HIPK1: variants seen among roughly 807,000 people sequenced by gnomAD.
HIPK1 encodes the protein homeodomain interacting protein kinase 1.
A neutral mutation model predicts 117.1 loss-of-function variants in HIPK1; 28 were observed. That is an observed-to-expected ratio of 0.24 (90% CI 0.18 to 0.33). The LOEUF (loss-of-function observed/expected upper bound fraction) is 0.33, where lower values mean the gene tolerates loss of function less well. HIPK1 is among the 10% of genes least tolerant of loss of function. HIPK1 has a pLI of 1.00. For synonymous variants in HIPK1, 605 were observed against 562.5 expected (o/e 1.08, Z -1.07); for missense variants, 1,122 against 1,475.1 (o/e 0.76, Z 3.92).
At position 113,975,669 on chromosome 1, in the gene HIPK1, A is replaced by T. The variant is rs1020242074; in HGVS notation, c.*2157A>T. The T allele has an allele frequency of 6.5e-6, 1 of 152,736 alleles. No individual in the cohort carries two copies. The highest frequency in any genetic ancestry group is 2.4e-5 in the African/African-American group (1 of 41,442). 9.5% of individuals were successfully genotyped at this position (152,736 alleles called of 1,614,324 possible). On this transcript the variant is annotated 3_prime_UTR_variant, in exon 16 of 16. Coordinates refer to ENST00000426820, the MANE Select transcript of HIPK1 (RefSeq NM_198268.3). ...ACCATGTCCCCATACTATGAGGAGA[A>T]GTTTTGTGGTGCCGCTGGTGACAAG...
intron 2 of HIPK1, 82 bp from the exon 3 acceptor site, chr1:113,952,684 C>T: frequency 1.9e-6 from 2 of 1,072,622 alleles, no homozygotes; most frequent in South Asian, 3.0e-5. Flanking sequence ...TTAGCTAATA[C>T]TAAAACAGGA....
Position 113,977,583 on chromosome 1 carries a change from A to T in HIPK1, c.*4071A>T, listed in dbSNP as rs965504005. 1.3e-5 allele frequency: 2 copies of T among 152,762 alleles called. No homozygotes were observed. Among genetic ancestry groups the T allele is most frequent in the Admixed American group, 6.5e-5 (1 of 15,290 alleles). The allele number at this position is 152,762 out of a possible 1,614,324, so 9.5% of individuals were successfully genotyped here. A position where few individuals can be genotyped will look rare whatever the true frequency, so the allele number is the denominator to read the frequency against. The stretch of plus-strand genomic sequence containing the variant: ...CTATGTTTGTAATGCAGATGTACTT[A>T]GGGAGTATGTAAAATAATCATTTTA... On this transcript the variant is annotated 3_prime_UTR_variant, in exon 16 of 16. Coordinates refer to ENST00000426820, the MANE Select transcript of HIPK1 (RefSeq NM_198268.3).
At chr1:113,971,779 C>A in intron 14 of HIPK1, 45 bp from the exon 15 acceptor site, 2 of 1,567,732 alleles carry the variant, frequency 1.3e-6, no homozygotes, top group Non-Finnish European at 1.7e-6. Flanking sequence ...CTGAGGTTAG[C>A]TCAGTGATGT....
intron 7 of HIPK1, 60 bp from the exon 8 acceptor site, chr1:113,958,006 T>C: frequency 8.2e-7 from 1 of 1,216,888 alleles, no homozygotes; most frequent in South Asian, 1.2e-5. Flanking sequence ...TCTGTATATA[T>C]AAAATTATTG....
intron 7 of HIPK1, among the ~76,000 whole-genome samples, chr1:113,957,811 A>G (rs1258451001): frequency 1.3e-5 from 2 of 151,254 alleles, no homozygotes; most frequent in African/African-American, 4.9e-5. Flanking sequence ...TTTTGTGCAG[A>G]AGTAGTTGGG....
chr1:113,963,115 C>A (rs1672230779), intron 9 of HIPK1, among the ~76,000 whole-genome samples: 2 of 152,140 alleles, frequency 1.3e-5, no homozygotes, highest in African/African-American at 2.4e-5. Context: ...AGGAAGAATT[C>A]TTAATAAATG....
chr1:113,960,593 A>G (rs1005087261), intron 8 of HIPK1, among the ~76,000 whole-genome samples: 2 of 152,188 alleles, frequency 1.3e-5, no homozygotes, highest in Admixed American at 1.3e-4. Flanking sequence ...GGCTATTATT[A>G]TACAATACCA....
intron 1 of HIPK1, among the ~76,000 whole-genome samples, chr1:113,937,230 G>A (rs1381489873): frequency 6.6e-6 from 1 of 152,160 alleles, no homozygotes; most frequent in East Asian, 1.9e-4. Context: ...GAAATTGAAG[G>A]CAGAGGATTT....
chr1:113,930,012 C>T, intron 1 of HIPK1: 1 of 985,094 alleles, frequency 1.0e-6, no homozygotes, highest in Non-Finnish European at 1.2e-6. Flanking sequence ...CGGGGCCGGG[C>T]CGGCCGCCGG....
At chr1:113,957,952 A>G in intron 7 of HIPK1, 114 bp from the exon 8 acceptor site, 1 of 785,466 alleles carries the variant, frequency 1.3e-6, no homozygotes. Flanking sequence ...AGAGGCAGTT[A>G]ACATTACATT....
chr1:113,951,250 G>A (rs1486950559), intron 2 of HIPK1: 1 of 984,684 alleles, frequency 1.0e-6, no homozygotes, highest in African/African-American at 1.7e-5. Flanking sequence ...TTTGACAATT[G>A]CCCTTGTATT....
chr1:113,973,192 C>T lies in HIPK1; in HGVS notation c.3313C>T (p.Leu1105=), dbSNP rs772554579. 1 of 1,612,824 alleles carries T rather than the reference C, an allele frequency of 6.2e-7. No homozygotes were observed. The highest frequency in any genetic ancestry group is 8.5e-7 in the Non-Finnish European group (1 of 1,179,380). ...ACACCTTGCCCCGGCCCCTGCTCAC[C>T]TGCCAAGCCAGGCTCATCTGTATAC... ...HPHLAPAPAH[L]PSQAHLYTYA... Residue 1105 remains leucine, a synonymous_variant, in exon 16 of 16, where the codon CTG becomes TTG. Transcript: ENST00000426820.
At chr1:113,971,762 A>G in intron 14 of HIPK1, 62 bp from the exon 15 acceptor site, 1 of 1,521,088 alleles carries the variant, frequency 6.6e-7, no homozygotes, top group Non-Finnish European at 8.9e-7. Flanking sequence ...AATTAATATG[A>G]TGCCATCTGA....
At position 113,967,867 on chromosome 1, in the gene HIPK1, G is replaced by C. The variant is rs777987341; in HGVS notation, c.2483G>C (p.Gly828Ala). The C allele has an allele frequency of 6.2e-7, 1 of 1,611,928 alleles. No individual in the cohort carries two copies. The highest frequency in any genetic ancestry group is 1.1e-5 in the South Asian group (1 of 90,604). Residue 828 changes from glycine to alanine, a missense_variant, in exon 12 of 16, where the codon GGT becomes GCT. Coordinates refer to ENST00000426820, the MANE Select transcript of HIPK1 (RefSeq NM_198268.3). The part of the protein sequence containing the change: ...TLATAQPLNV[G>A]VAHVVRQQQS... The stretch of plus-strand genomic sequence containing the variant: ...GCCACTGCTCAGCCTCTGAATGTTG[G>C]TGTTGCCCATGTTGTCAGACAACAA...
In HIPK1 at chr1:113,970,101, G is replaced by A. The variant is rs1672722080; in HGVS notation, c.2917G>A (p.Gly973Ser). Residue 973 changes from glycine to serine, a missense_variant, in exon 14 of 16, where the codon GGC becomes AGC. By Grantham distance (56) the Gly-to-Ser change is moderately conservative. Coordinates refer to ENST00000426820, the MANE Select transcript of HIPK1 (RefSeq NM_198268.3). Reference protein sequence around the residue: ...GNSGSVLEGPGRVVADGTGTR... With the variant: ...GNSGSVLEGPSRVVADGTGTR... Reference sequence around the variant, plus strand: ...TAGTGGATCCGTTTTGGAGGGGCCTGGCAGAGTTGTGGCAGATGGCACTGG... The same window carrying A: ...TAGTGGATCCGTTTTGGAGGGGCCTAGCAGAGTTGTGGCAGATGGCACTGG... 3.7e-6 allele frequency: 6 copies of A among 1,614,034 alleles called. No homozygotes were observed. In the Admixed American group the frequency reaches 1.0e-4, roughly 27 times the overall value.
At chr1:113,942,559 A>G (rs1347232002) in intron 2 of HIPK1, among the ~76,000 whole-genome samples, 1 of 152,184 alleles carries the variant, frequency 6.6e-6, no homozygotes, top group South Asian at 2.1e-4. Flanking sequence ...GGTTGCTACA[A>G]TCTCTTCCTG....
rs1261558077 is a variant in HIPK1, at chr1:113,976,350, T to C, written c.*2838T>C. 1 of 152,416 alleles carries C rather than the reference T, an allele frequency of 6.6e-6. No homozygotes were observed. Among genetic ancestry groups the C allele is most frequent in the East Asian group, 1.9e-4 (1 of 5,344 alleles). The allele number at this position is 152,416 out of a possible 1,614,324, so 9.4% of individuals were successfully genotyped here. A position where few individuals can be genotyped will look rare whatever the true frequency, so the allele number is the denominator to read the frequency against. Reference sequence around the variant, plus strand: ...TTTGCCAAGCACATTCTGATTTTCTTGTTGGAACACAGGTCTAGTTTCTAA... The same window carrying C: ...TTTGCCAAGCACATTCTGATTTTCTCGTTGGAACACAGGTCTAGTTTCTAA... On this transcript the variant is annotated 3_prime_UTR_variant, in exon 16 of 16. Coordinates refer to ENST00000426820, the MANE Select transcript of HIPK1 (RefSeq NM_198268.3).
chr1:113,971,150 G>A (rs1211152139), intron 14 of HIPK1, among the ~76,000 whole-genome samples: 1 of 152,204 alleles, frequency 6.6e-6, no homozygotes, highest in Non-Finnish European at 1.5e-5. Context: ...TTATGCCTCT[G>A]TGTGATTCTT....
At position 113,941,177 on chromosome 1, in the gene HIPK1, G is replaced by A. The variant is rs1324338690; in HGVS notation, c.794G>A (p.Cys265Tyr). 1 of 1,614,198 alleles carries A rather than the reference G, an allele frequency of 6.2e-7. No individual in the cohort carries two copies. ...YECFQHKNHT[C>Y]LVFEMLEQNL... ...TGCTTTCAGCATAAGAATCACACCTGCCTTGTTTTTGAAATGTTGGAGCAG... is the reference window on the plus strand; with the variant it reads ...TGCTTTCAGCATAAGAATCACACCTACCTTGTTTTTGAAATGTTGGAGCAG... Residue 265 changes from cysteine to tyrosine, a missense_variant, in exon 2 of 16, where the codon TGC becomes TAC. By Grantham distance (194) the Cys-to-Tyr change is radical. Coordinates refer to ENST00000426820, the MANE Select transcript of HIPK1 (RefSeq NM_198268.3). The surrounding 1 kb of genome is among the most constrained non-coding windows in gnomAD (Gnocchi z 4.9).
Sources: gnomAD v4.1 joint callset for allele counts (sites outside exome capture counted in the v4.1 genomes callset) on GRCh38, gnomAD v4.1.1 for gene constraint, Gnocchi (gnomAD v3.1) non-coding constraint, MANE v1.5 for transcripts, NCBI Gene and HGNC (gene_info 2026-07-23, HGNC 2026-07-21) for gene names.